The following PSMB3 variants were observed in gnomAD, a reference collection of about 807,000 sequenced individuals.
The protein encoded by PSMB3 is proteasome 20S subunit beta 3.
In PSMB3, 5 loss-of-function variants were observed where a neutral mutation model predicts 23.3. The ratio of observed to expected loss-of-function variants is 0.21; its 90% confidence interval spans 0.11 to 0.45. PSMB3 has a LOEUF of 0.45. Ranked by LOEUF, PSMB3 falls within the 20% of genes least tolerant of loss-of-function variation. The pLI is 0.99. For missense variants in PSMB3, 192 were observed against 277.9 expected, an observed-to-expected ratio of 0.69 and a Z score of 2.20; for synonymous variants, 85 against 99.8, an observed-to-expected ratio of 0.85 and a Z score of 0.88.
At chr17:38,762,550 G>A (rs551638644) in intron 5 of PSMB3, 45 bp downstream of exon 5, 3 of 1,541,790 alleles carry the variant, frequency 1.9e-6, no homozygotes, top group African/African-American at 1.4e-5. Context: ...CAGACACCCT[G>A]CCTCTCTCCC....
At chr17:38,753,393 C>A (rs1908024198) in intron 2 of PSMB3, 59 bp downstream of exon 2, 1 of 1,541,770 alleles carries the variant, frequency 6.5e-7, no homozygotes, top group African/African-American at 1.4e-5. Flanking sequence ...CCAACCCCGG[C>A]GTCTTGACCG....
chr17:38,762,175 CTGA>C, intron 4 of PSMB3: 1 of 532,762 alleles, frequency 1.9e-6, no homozygotes, highest in South Asian at 2.6e-5. Flanking sequence ...TGTCACACTG[CTGA>C]TTAGTAAAAG....
chr17:38,755,669 T>G (rs1321177488), intron 2 of PSMB3, among the ~76,000 whole-genome samples: 1 of 108,474 alleles, frequency 9.2e-6, no homozygotes, highest in Non-Finnish European at 1.9e-5. Flanking sequence ...AATATATATA[T>G]ATATATATAT....
chr17:38,755,682 A>ATGTGTGTG (rs67600372), intron 2 of PSMB3, among the ~76,000 whole-genome samples: 16 of 90,250 alleles, frequency 1.8e-4, no homozygotes, highest in South Asian at 8.4e-4. Flanking sequence ...ATATATATAT[A>ATGTGTGTG]TGTGTGTGTG....
intron 5 of PSMB3, among the ~76,000 whole-genome samples, chr17:38,763,497 C>CCT (rs1491096871): frequency 3.0e-4 from 23 of 76,062 alleles, no homozygotes; most frequent in Non-Finnish European, 3.2e-4. Flanking sequence ...CTTCTTCCCC[C>CCT]TTTTTTTTTT....
intron 3 of PSMB3, 108 bp from the exon 4 acceptor site, chr17:38,760,323 A>T: frequency 7.9e-7 from 1 of 1,266,826 alleles, no homozygotes; most frequent in Non-Finnish European, 1.1e-6. Flanking sequence ...CAGGTCCTCC[A>T]TTTCCCTTTG....
At chr17:38,758,248 G>A (rs995694298) in intron 3 of PSMB3, among the ~76,000 whole-genome samples, 1 of 152,140 alleles carries the variant, frequency 6.6e-6, no homozygotes, top group Admixed American at 6.5e-5. Flanking sequence ...CCCGTCAATA[G>A]TAGCTAAGAA....
chr17:38,761,085 C>T (rs1908414060), intron 4 of PSMB3, among the ~76,000 whole-genome samples: 1 of 151,676 alleles, frequency 6.6e-6, no homozygotes, highest in Non-Finnish European at 1.5e-5. Context: ...CGCGGTGGCT[C>T]ACGCCTGTAA....
At chr17:38,757,956 CG>C (rs982697185) in intron 3 of PSMB3, among the ~76,000 whole-genome samples, 1 of 151,208 alleles carries the variant, frequency 6.6e-6, no homozygotes, top group African/African-American at 2.4e-5. Context: ...GCCCAGCCAA[CG>C]AAAAAAAAAG....
intron 4 of PSMB3, among the ~76,000 whole-genome samples, chr17:38,761,092 GTAATC>G (rs1908414448): frequency 6.6e-6 from 1 of 152,132 alleles, no homozygotes; most frequent in Non-Finnish European, 1.5e-5. Context: ...GCTCACGCCT[GTAATC>G]CCAGCACTTT....
chr17:38,759,024 C>G (rs1169429254), intron 3 of PSMB3, among the ~76,000 whole-genome samples: 1 of 151,856 alleles, frequency 6.6e-6, no homozygotes, highest in African/African-American at 2.4e-5. Flanking sequence ...CCAGCCTGGG[C>G]GACAGAGCAA....
intron 4 of PSMB3, among the ~76,000 whole-genome samples, chr17:38,761,630 G>C (rs946388274): frequency 6.6e-6 from 1 of 152,136 alleles, no homozygotes; most frequent in East Asian, 1.9e-4. Context: ...GTACAGGAAG[G>C]GGCAGGTATG....
rs1032305660 is a variant in PSMB3, at chr17:38,757,620, T to C, written c.296+1630T>C. Among the ~76,000 whole-genome samples, 8 of 149,394 alleles carry C rather than the reference T, an allele frequency of 5.4e-5. 1 individual carries two copies. Among genetic ancestry groups the C allele is most frequent in the Admixed American group, 5.3e-4 (8 of 14,996 alleles). On this transcript the variant is annotated intron_variant, in intron 3 of 5. Coordinates refer to ENST00000619426, the MANE Select transcript of PSMB3 (RefSeq NM_002795.4). ...TCACGAGGTCAGGAGATCAAGACCA[T>C]CCTGGTCAACATGGTGAAACCCCAT...
chr17:38,753,470 T>C, intron 2 of PSMB3, 136 bp downstream of exon 2: 1 of 871,738 alleles, frequency 1.1e-6, no homozygotes, highest in Non-Finnish European at 1.7e-6. Flanking sequence ...CCAAAAAACA[T>C]GTCCTTCCCT....
chr17:38,763,031 C>T (rs775622287), intron 5 of PSMB3, among the ~76,000 whole-genome samples: 3 of 152,134 alleles, frequency 2.0e-5, no homozygotes, highest in Non-Finnish European at 4.4e-5. Context: ...AGCATTTGGA[C>T]CCTTTTGGGG....
chr17:38,753,127 C>T (rs1396288469), intron 1 of PSMB3, 23 bp from the exon 2 acceptor site: 1 of 1,592,894 alleles, frequency 6.3e-7, no homozygotes, highest in South Asian at 1.1e-5. Context: ...CCCGCGCTGA[C>T]CCCTCCGCTC....
At chr17:38,760,375 C>T (rs990731572) in intron 3 of PSMB3, 56 bp from the exon 4 acceptor site, 8 of 1,584,520 alleles carry the variant, frequency 5.0e-6, no homozygotes, top group African/African-American at 1.3e-5. Flanking sequence ...TAGGCTTAAA[C>T]ATGAAAGCGA....
intron 2 of PSMB3, among the ~76,000 whole-genome samples, chr17:38,754,057 G>A (rs1355923018): frequency 6.8e-6 from 1 of 146,132 alleles, no homozygotes; most frequent in African/African-American, 2.5e-5. Flanking sequence ...GAGGGAATAC[G>A]TGGTCACAGG....
At chr17:38,758,921 C>T (rs945464236) in intron 3 of PSMB3, among the ~76,000 whole-genome samples, 22 of 152,160 alleles carry the variant, frequency 1.4e-4, no homozygotes, top group Non-Finnish European at 3.2e-4. Context: ...TGGCGGGCAC[C>T]TGTAGTCCCA....
Sources: allele counts gnomAD v4.1 joint callset (sites outside exome capture counted in the v4.1 genomes callset), GRCh38; gene constraint gnomAD v4.1.1; transcripts MANE v1.5; gene names NCBI Gene and HGNC (gene_info 2026-07-23, HGNC 2026-07-21).